Variants in SAXO1 observed in about 807,000 individuals in gnomAD.
The protein encoded by SAXO1 is stabilizer of axonemal microtubules 1, also known as 4930500O09Rik.
In SAXO1, 21 loss-of-function variants were observed where a neutral mutation model predicts 17.5. The ratio of observed to expected loss-of-function variants is 1.20; its 90% CI spans 0.85 to 1.72. The LOEUF is 1.72. Ranked by LOEUF, SAXO1 falls within the 40% of genes most tolerant of loss-of-function variation. The pLI is 0.00. For synonymous variants in SAXO1, 274 were observed against 216.5 expected (o/e 1.27, Z -2.33); for missense variants, 843 against 596.0 (o/e 1.41, Z -4.32).
chr9:19,018,764 C>A (rs939504731), intron 1 of SAXO1, among the ~76,000 whole-genome samples: 1 of 152,212 alleles, frequency 6.6e-6, no homozygotes, highest in Non-Finnish European at 1.5e-5. Flanking sequence ...TGGTTAGAGA[C>A]AGGACGCTGA....
At chr9:18,937,912 A>C (rs556227411) in intron 3 of SAXO1, among the ~76,000 whole-genome samples, 126 of 152,352 alleles carry the variant, frequency 8.3e-4, no homozygotes, top group Non-Finnish European at 1.4e-3. Flanking sequence ...ATTCAAAAAA[A>C]AACCTCATAA....
At chr9:19,019,421 A>G (rs1835131562) in intron 1 of SAXO1, among the ~76,000 whole-genome samples, 1 of 152,116 alleles carries the variant, frequency 6.6e-6, no homozygotes, top group Non-Finnish European at 1.5e-5. Context: ...CACACCCAAC[A>G]CAAGAGTCAG....
At chr9:18,961,212 G>T (rs989332377) in intron 1 of SAXO1, among the ~76,000 whole-genome samples, 1 of 151,718 alleles carries the variant, frequency 6.6e-6, no homozygotes, top group Admixed American at 6.6e-5. Flanking sequence ...TGTCAGCCAG[G>T]CTAGAGTGCA....
chr9:18,957,431 G>A (rs112503860), intron 1 of SAXO1, among the ~76,000 whole-genome samples: 18 of 152,192 alleles, frequency 1.2e-4, no homozygotes, highest in African/African-American at 2.9e-4. Flanking sequence ...CAGCCTTCAC[G>A]CCAGGGCCCA....
intron 1 of SAXO1, among the ~76,000 whole-genome samples, chr9:19,028,646 T>C (rs933359911): frequency 6.6e-6 from 1 of 152,220 alleles, no homozygotes; most frequent in Non-Finnish European, 1.5e-5. Flanking sequence ...GAGAATATTA[T>C]GACATTCTAT....
chr9:18,971,364 C>T (rs1832937372), intron 1 of SAXO1, among the ~76,000 whole-genome samples: 1 of 152,114 alleles, frequency 6.6e-6, no homozygotes, highest in South Asian at 2.1e-4. Context: ...TTGTATCTTC[C>T]ATCAAAATGT....
chr9:19,023,098 TATC>T (rs1461372295), intron 1 of SAXO1, among the ~76,000 whole-genome samples: 1 of 151,820 alleles, frequency 6.6e-6, no homozygotes, highest in African/African-American at 2.4e-5. Context: ...AAACCATTCT[TATC>T]ATCAATATTT....
chr9:18,997,958 G>A (rs1482311689), intron 1 of SAXO1, among the ~76,000 whole-genome samples: 2 of 152,190 alleles, frequency 1.3e-5, no homozygotes, highest in African/African-American at 4.8e-5. Context: ...AACCCCATCT[G>A]TAGGTCACCA....
chr9:18,934,634 T>C (rs4977475), intron 3 of SAXO1, among the ~76,000 whole-genome samples: 18,788 of 152,296 alleles, frequency 0.12, 1,464 homozygotes, highest in Middle Eastern at 0.24. Flanking sequence ...TTTGAAATAT[T>C]TGTCTGCGAT....
chr9:18,944,528 A>G (rs1179671711), intron 2 of SAXO1, among the ~76,000 whole-genome samples: 1 of 152,208 alleles, frequency 6.6e-6, no homozygotes, highest in Admixed American at 6.5e-5. Context: ...TCTGTGGTAC[A>G]TTTCCCAGTC....
intron 1 of SAXO1, among the ~76,000 whole-genome samples, chr9:19,042,925 A>T (rs1836112237): frequency 6.6e-6 from 1 of 152,206 alleles, no homozygotes; most frequent in South Asian, 2.1e-4. Flanking sequence ...TAATACCCGC[A>T]CTTTGTGAGG....
intron 1 of SAXO1, among the ~76,000 whole-genome samples, chr9:18,958,426 A>G (rs1239555855): frequency 6.6e-6 from 1 of 152,144 alleles, no homozygotes; most frequent in Non-Finnish European, 1.5e-5. Context: ...TCCGTCTGAG[A>G]AAATAAATAA....
intron 1 of SAXO1, chr9:19,027,911 G>T: frequency 7.2e-7 from 1 of 1,379,632 alleles, no homozygotes; most frequent in Non-Finnish European, 1.0e-6. Context: ...CCAGAATCAT[G>T]CAGATCCACT....
intron 3 of SAXO1, among the ~76,000 whole-genome samples, chr9:18,936,528 T>C (rs1376262415): frequency 6.6e-6 from 1 of 152,206 alleles, no homozygotes; most frequent in African/African-American, 2.4e-5. Context: ...AGTTGCCTCA[T>C]GTGATTTCTG....
At chr9:18,964,096 C>T (rs1832614470) in intron 1 of SAXO1, among the ~76,000 whole-genome samples, 1 of 152,114 alleles carries the variant, frequency 6.6e-6, no homozygotes, top group African/African-American at 2.4e-5. Context: ...AATGTTTAAC[C>T]AACCTCGCAT....
intron 1 of SAXO1, among the ~76,000 whole-genome samples, chr9:18,971,058 A>G (rs1832924910): frequency 6.6e-6 from 1 of 151,956 alleles, no homozygotes; most frequent in Admixed American, 6.6e-5. Context: ...CAAACCCCCA[A>G]CCCCAGTCCG....
At chr9:18,991,830 T>C (rs1833827897) in intron 1 of SAXO1, among the ~76,000 whole-genome samples, 1 of 152,156 alleles carries the variant, frequency 6.6e-6, no homozygotes, top group Admixed American at 6.5e-5. Flanking sequence ...CACAAAACCA[T>C]TCCCTGGTGC....
At position 18,957,922 on chromosome 9, in the gene SAXO1, T is replaced by G. The variant is rs530865307; in HGVS notation, c.39-6985A>C. 2.6e-5 allele frequency among the ~76,000 whole-genome samples: 4 copies of G among 152,310 alleles called. No homozygotes were observed. In the South Asian group the frequency reaches 8.3e-4, roughly 32 times the overall value. On this transcript the variant is annotated intron_variant, in intron 1 of 3. Coordinates refer to ENST00000380534, the MANE Select transcript of SAXO1 (RefSeq NM_153707.4). ...AAGTTTTTCTATTTAATTTATGATA[T>G]ACCCAGAGGCCAAAGGACAAGTAAA...
chr9:18,934,859 C>A (rs1392849997), intron 3 of SAXO1, among the ~76,000 whole-genome samples: 1 of 152,178 alleles, frequency 6.6e-6, no homozygotes. Context: ...AGAGTCTTAT[C>A]TTCCCTGCAG....
Sources: gnomAD v4.1 joint callset for allele counts (sites outside exome capture counted in the v4.1 genomes callset) on GRCh38, gnomAD v4.1.1 for gene constraint, MANE v1.5 for transcripts, NCBI Gene and HGNC (gene_info 2026-07-23, HGNC 2026-07-21) for gene names.